Variants in RALGPS1 observed in about 807,000 individuals in gnomAD.
RALGPS1 encodes the protein Ral GEF with PH domain and SH3 binding motif 1, also known as ras-specific guanine nucleotide-releasing factor RalGPS1.
In RALGPS1, 19 loss-of-function variants were observed where a neutral mutation model predicts 78.8. That is an observed-to-expected ratio of 0.24 (90% CI 0.17 to 0.35). The LOEUF (loss-of-function observed/expected upper bound fraction) is 0.35. RALGPS1 is among the 10% of genes least tolerant of loss of function. RALGPS1 has a pLI of 1.00. For synonymous variants in RALGPS1, 228 were observed against 256.3 expected (o/e 0.89, Z 1.06); for missense variants, 454 against 688.3 (o/e 0.66, Z 3.81).
rs2062785823 is a variant in RALGPS1, at chr9:127,222,015, A to G, written c.*3246A>G. The G allele has an allele frequency of 6.6e-6, 1 of 152,232 alleles. No individual in the cohort carries two copies. The highest frequency in any genetic ancestry group is 2.4e-5 in the African/African-American group (1 of 41,452). The allele number at this position is 152,232 out of a possible 1,614,324, so 9.4% of individuals were successfully genotyped here. A position where few individuals can be genotyped will look rare whatever the true frequency, so the allele number is the denominator to read the frequency against. The stretch of plus-strand genomic sequence containing the variant: ...AGCTTTACATCATTTTTACATATCA[A>G]GTGGTTTCATGTTAAAAAACAAACT... On this transcript the variant is annotated 3_prime_UTR_variant, in exon 19 of 19. Transcript: ENST00000259351.
intron 4 of RALGPS1, among the ~76,000 whole-genome samples, chr9:127,004,868 G>A (rs1227393354): frequency 6.6e-6 from 1 of 152,166 alleles, no homozygotes; most frequent in Non-Finnish European, 1.5e-5. Flanking sequence ...TTATTTATGA[G>A]AAGAAGGCTT....
intron 4 of RALGPS1, among the ~76,000 whole-genome samples, chr9:127,027,459 C>A (rs982931122): frequency 6.6e-6 from 1 of 152,070 alleles, no homozygotes; most frequent in Non-Finnish European, 1.5e-5. Context: ...CATTCATGGT[C>A]TCATTAAGAG....
At chr9:127,025,934 G>T (rs1322539059) in intron 4 of RALGPS1, among the ~76,000 whole-genome samples, 1 of 152,088 alleles carries the variant, frequency 6.6e-6, no homozygotes, top group African/African-American at 2.4e-5. Context: ...AAACTCTTGG[G>T]CTCAAGCAGT....
rs143974561 is a variant in RALGPS1, at chr9:127,184,274, C to T, written c.910+9492C>T. Reference sequence around the variant, plus strand: ...GGGGGAGGCTACAGTGAGCCGTGATCGCGCCACCGCGCTCCAGCTTGGGTG... The same window carrying T: ...GGGGGAGGCTACAGTGAGCCGTGATTGCGCCACCGCGCTCCAGCTTGGGTG... On this transcript the variant is annotated intron_variant, in intron 11 of 18. Transcript: ENST00000259351. 526 of 444,922 alleles carry T rather than the reference C, an allele frequency of 1.2e-3. 2 individuals carry two copies. The highest frequency in any genetic ancestry group is 9.7e-3 in the African/African-American group (484 of 49,894). The allele number at this position is 444,922 out of a possible 1,614,324, so 27.6% of individuals were successfully genotyped here.
intron 17 of RALGPS1, 79 bp from the exon 18 acceptor site, chr9:127,214,672 T>A: frequency 1.3e-6 from 2 of 1,536,100 alleles, no homozygotes; most frequent in Non-Finnish European, 1.7e-6. Flanking sequence ...TACCCGTGTT[T>A]ACATTTCTCT....
chr9:126,961,441 A>T (rs2038893310), intron 1 of RALGPS1, among the ~76,000 whole-genome samples: 3 of 152,148 alleles, frequency 2.0e-5, no homozygotes, highest in African/African-American at 4.8e-5. Context: ...GTTATTATGG[A>T]TGAAGAAGTG....
chr9:127,009,322 G>A (rs894535798), intron 4 of RALGPS1, among the ~76,000 whole-genome samples: 4 of 152,034 alleles, frequency 2.6e-5, no homozygotes, highest in Non-Finnish European at 5.9e-5. Context: ...ATCATGGATT[G>A]TCCCTGGGAT....
At chr9:126,984,584 C>G (rs564346728) in intron 4 of RALGPS1, among the ~76,000 whole-genome samples, 1 of 152,316 alleles carries the variant, frequency 6.6e-6, no homozygotes, top group South Asian at 2.1e-4. Flanking sequence ...TCTGTCTCCT[C>G]CATCATAATG....
At chr9:126,989,377 A>G (rs2042082613) in intron 4 of RALGPS1, among the ~76,000 whole-genome samples, 1 of 152,212 alleles carries the variant, frequency 6.6e-6, no homozygotes, top group South Asian at 2.1e-4. Flanking sequence ...GACTCAAGCC[A>G]GAGCTACAGG....
At chr9:127,009,671 C>G (rs949078882) in intron 4 of RALGPS1, among the ~76,000 whole-genome samples, 1 of 152,138 alleles carries the variant, frequency 6.6e-6, no homozygotes, top group African/African-American at 2.4e-5. Flanking sequence ...TGGCCTTGGA[C>G]AGTTTGCCTC....
intron 4 of RALGPS1, among the ~76,000 whole-genome samples, chr9:127,032,805 C>A (rs2046539640): frequency 6.6e-6 from 1 of 152,036 alleles, no homozygotes; most frequent in African/African-American, 2.4e-5. Flanking sequence ...GCCTGGGCAA[C>A]ACAGTGAGAC....
intron 1 of RALGPS1, among the ~76,000 whole-genome samples, chr9:126,925,570 T>A (rs1474036141): frequency 7.1e-6 from 1 of 140,496 alleles, no homozygotes. Flanking sequence ...AAAAAAAAAA[T>A]TACAGTGCAT....
chr9:127,052,973 G>A (rs1040103188), intron 7 of RALGPS1, 34 bp downstream of exon 7: 3 of 1,422,234 alleles, frequency 2.1e-6, no homozygotes, highest in African/African-American at 2.8e-5. Context: ...TCTAATTTTG[G>A]CTATCATTTC....
At chr9:126,958,922 A>G (rs2038618991) in intron 1 of RALGPS1, among the ~76,000 whole-genome samples, 1 of 151,956 alleles carries the variant, frequency 6.6e-6, no homozygotes, top group Admixed American at 6.6e-5. Flanking sequence ...TTTTGCCAAT[A>G]CTTGTTATGG....
intron 4 of RALGPS1, among the ~76,000 whole-genome samples, chr9:126,992,705 T>C (rs1445183951): frequency 6.6e-6 from 1 of 152,252 alleles, no homozygotes; most frequent in Non-Finnish European, 1.5e-5. Context: ...CTCATGTATG[T>C]AGGTCTTCTC....
At chr9:127,096,795 G>T (rs576357844) in intron 8 of RALGPS1, among the ~76,000 whole-genome samples, 1 of 152,314 alleles carries the variant, frequency 6.6e-6, no homozygotes, top group East Asian at 1.9e-4. Flanking sequence ...TAAACTCCTT[G>T]CTCTAAGAGT....
At chr9:127,056,114 CTTT>C (rs1229722977) in intron 7 of RALGPS1, among the ~76,000 whole-genome samples, 1 of 152,222 alleles carries the variant, frequency 6.6e-6, no homozygotes, top group Non-Finnish European at 1.5e-5. Context: ...TGGCTCCTGT[CTTT>C]GCACCTCAGT....
chr9:127,015,678 A>T (rs2044748934), intron 4 of RALGPS1, among the ~76,000 whole-genome samples: 1 of 152,168 alleles, frequency 6.6e-6, no homozygotes, highest in Admixed American at 6.5e-5. Context: ...TTGGTATCTG[A>T]TCATCTGGTT....
At chr9:127,004,294 C>T (rs990875413) in intron 4 of RALGPS1, among the ~76,000 whole-genome samples, 5 of 152,114 alleles carry the variant, frequency 3.3e-5, no homozygotes, top group South Asian at 2.1e-4. Flanking sequence ...TACAGGCACC[C>T]GCCACCACAC....
Sources: allele counts gnomAD v4.1 joint callset (sites outside exome capture counted in the v4.1 genomes callset), GRCh38; gene constraint gnomAD v4.1.1; transcripts MANE v1.5; gene names NCBI Gene and HGNC (gene_info 2026-07-23, HGNC 2026-07-21).